KCNIP4: variants seen among roughly 807,000 people sequenced by gnomAD.
KCNIP4 encodes the protein Kv channel-interacting protein 4.
In KCNIP4, 12 loss-of-function variants were observed where a neutral mutation model predicts 34.0. The observed-to-expected ratio is 0.35, with a 90% CI of 0.23 to 0.57. The LOEUF is 0.57. Among genes scored for constraint, KCNIP4 ranks in the 20% least tolerant of loss-of-function variants. The pLI is 0.83. For missense variants in KCNIP4, 238 were observed against 311.7 expected, an observed-to-expected ratio of 0.76 and a Z score of 1.78; for synonymous variants, 124 against 102.2, an observed-to-expected ratio of 1.21 and a Z score of -1.29.
chr4:21,464,931 GGCTA>G (rs1291004632), intron 1 of KCNIP4, among the ~76,000 whole-genome samples: 2 of 151,998 alleles, frequency 1.3e-5, no homozygotes, highest in African/African-American at 4.8e-5. Context: ...TGGAAAAAGT[GGCTA>G]TTTTTGATTC....
chr4:20,893,751 A>G (rs1284242463), intron 1 of KCNIP4, among the ~76,000 whole-genome samples: 3 of 151,896 alleles, frequency 2.0e-5, no homozygotes, highest in African/African-American at 7.3e-5. Context: ...TCACCTGTAT[A>G]TGAGGTAAGC....
At chr4:21,464,151 A>T (rs1251003349) in intron 1 of KCNIP4, among the ~76,000 whole-genome samples, 1 of 151,898 alleles carries the variant, frequency 6.6e-6, no homozygotes, top group Non-Finnish European at 1.5e-5. Flanking sequence ...TTTTTTTCTT[A>T]AAGAACCAAT....
At chr4:21,606,913 T>C (rs1466188572) in intron 1 of KCNIP4, among the ~76,000 whole-genome samples, 1 of 152,174 alleles carries the variant, frequency 6.6e-6, no homozygotes, top group East Asian at 1.9e-4. Context: ...CAAATCGTAT[T>C]ACTCCAATCT....
At chr4:21,007,610 T>A (rs562224329) in intron 1 of KCNIP4, among the ~76,000 whole-genome samples, 109 of 152,214 alleles carry the variant, frequency 7.2e-4, no homozygotes, top group South Asian at 6.2e-3. Flanking sequence ...TTAGAGAAAG[T>A]CATTCTGAAA....
intron 3 of KCNIP4, among the ~76,000 whole-genome samples, chr4:20,840,672 TC>T (rs1719614367): frequency 6.6e-6 from 1 of 152,038 alleles, no homozygotes; most frequent in South Asian, 2.1e-4. Flanking sequence ...TGAACAGAAG[TC>T]CCATCCTGTC....
chr4:21,222,923 T>C (rs1202650889), intron 1 of KCNIP4, among the ~76,000 whole-genome samples: 1 of 152,218 alleles, frequency 6.6e-6, no homozygotes, highest in African/African-American at 2.4e-5. Context: ...TCAGGCATTG[T>C]GGTGCAGTGG....
intron 1 of KCNIP4, among the ~76,000 whole-genome samples, chr4:21,218,110 G>A (rs1757731926): frequency 6.6e-6 from 1 of 151,558 alleles, no homozygotes; most frequent in African/African-American, 2.4e-5. Flanking sequence ...CCGCCTCCTG[G>A]GTTCAAGTGA....
intron 1 of KCNIP4, among the ~76,000 whole-genome samples, chr4:21,923,696 C>A (rs1366054352): frequency 6.6e-6 from 1 of 152,204 alleles, no homozygotes; most frequent in South Asian, 2.1e-4. Flanking sequence ...TCCAGCCACT[C>A]TAGCCCACCG....
chr4:21,124,037 A>C (rs866720296), intron 1 of KCNIP4, among the ~76,000 whole-genome samples: 246 of 125,508 alleles, frequency 2.0e-3, no homozygotes, highest in African/African-American at 7.9e-3. Flanking sequence ...AAAAACAAAA[A>C]AACAACAAAA....
chr4:21,215,331 C>A (rs1757482013), intron 1 of KCNIP4, among the ~76,000 whole-genome samples: 1 of 152,050 alleles, frequency 6.6e-6, no homozygotes, highest in Non-Finnish European at 1.5e-5. Flanking sequence ...ACAATGTGAA[C>A]CTTTTCATGG....
intron 1 of KCNIP4, among the ~76,000 whole-genome samples, chr4:21,646,035 T>A (rs1746983630): frequency 6.6e-6 from 1 of 152,176 alleles, no homozygotes; most frequent in Non-Finnish European, 1.5e-5. Context: ...ATGAATCCTT[T>A]TCTGATTCCT....
At chr4:21,812,524 G>A (rs973607781) in intron 1 of KCNIP4, among the ~76,000 whole-genome samples, 19 of 152,148 alleles carry the variant, frequency 1.2e-4, no homozygotes, top group Non-Finnish European at 1.5e-5. Context: ...AAGAGGTTGG[G>A]CTAGTTATTA....
intron 1 of KCNIP4, among the ~76,000 whole-genome samples, chr4:21,039,491 C>A (rs1741763278): frequency 6.6e-6 from 1 of 152,016 alleles, no homozygotes; most frequent in Non-Finnish European, 1.5e-5. Context: ...CCTTATTCTA[C>A]TTTATAGTAC....
intron 1 of KCNIP4, among the ~76,000 whole-genome samples, chr4:21,067,887 A>C (rs1033880595): frequency 2.6e-5 from 4 of 152,212 alleles, no homozygotes; most frequent in Non-Finnish European, 5.9e-5. Context: ...ATCAACATAA[A>C]TATTATCAAG....
At chr4:21,440,475 A>T (rs191219506) in intron 1 of KCNIP4, among the ~76,000 whole-genome samples, 275 of 152,314 alleles carry the variant, frequency 1.8e-3, no homozygotes, top group Non-Finnish European at 3.0e-3. Context: ...TATTTGCCCT[A>T]TTCTCTAGAG....
At chr4:21,060,985 C>A (rs372758622) in intron 1 of KCNIP4, among the ~76,000 whole-genome samples, 1 of 152,036 alleles carries the variant, frequency 6.6e-6, no homozygotes, top group African/African-American at 2.4e-5. Context: ...TCCAAGATAA[C>A]GAGCCTGTTA....
intron 4 of KCNIP4, among the ~76,000 whole-genome samples, chr4:20,756,647 G>A (rs562299296): frequency 4.0e-5 from 6 of 151,724 alleles, no homozygotes; most frequent in Middle Eastern, 3.4e-3. Flanking sequence ...CTGCTTGTGC[G>A]CTCCACTCCC....
intron 1 of KCNIP4, among the ~76,000 whole-genome samples, chr4:21,483,495 T>C (rs1731627738): frequency 6.6e-6 from 1 of 151,974 alleles, no homozygotes; most frequent in Non-Finnish European, 1.5e-5. Flanking sequence ...ATCTGGTTGT[T>C]TAAAAGTGTG....
At chr4:21,663,041 A>G (rs1748565051) in intron 1 of KCNIP4, among the ~76,000 whole-genome samples, 1 of 152,208 alleles carries the variant, frequency 6.6e-6, no homozygotes, top group Admixed American at 6.5e-5. Flanking sequence ...AATTTTGATC[A>G]GGCAAGTGGG....
Sources: gnomAD v4.1 joint callset for allele counts (sites outside exome capture counted in the v4.1 genomes callset) on GRCh38, gnomAD v4.1.1 for gene constraint, MANE v1.5 for transcripts, NCBI Gene and HGNC (gene_info 2026-07-23, HGNC 2026-07-21) for gene names.